Variants in FGGY observed in about 807,000 individuals in gnomAD.
The protein encoded by FGGY is FGGY carbohydrate kinase domain containing, also known as FGGY carbohydrate kinase domain-containing protein.
In FGGY, 72 loss-of-function variants were observed where a neutral mutation model predicts 71.3. The ratio of observed to expected loss-of-function variants is 1.01; its 90% CI spans 0.84 to 1.23. FGGY has a LOEUF of 1.23. Ranked by LOEUF, FGGY falls within the 50% of genes most tolerant of loss-of-function variation. The probability of loss-of-function intolerance (pLI) is 0.00; values close to 1 mark genes in which losing one functional copy is unlikely to be tolerated. For missense variants in FGGY, 668 were observed against 682.3 expected, an observed-to-expected ratio of 0.98 and a Z score of 0.23; for synonymous variants, 251 against 250.3, an observed-to-expected ratio of 1.00 and a Z score of -0.02.
chr1:59,472,851 C>G (rs1238855391), intron 6 of FGGY, among the ~76,000 whole-genome samples: 2 of 152,012 alleles, frequency 1.3e-5, no homozygotes, highest in Admixed American at 1.3e-4. Flanking sequence ...GGTTTGTAAA[C>G]ACACCAATCA....
At chr1:59,601,588 T>A (rs1029045534) in intron 8 of FGGY, among the ~76,000 whole-genome samples, 1 of 152,184 alleles carries the variant, frequency 6.6e-6, no homozygotes, top group Non-Finnish European at 1.5e-5. Flanking sequence ...TGTTTGACTC[T>A]ATAGACTGTC....
At chr1:59,505,564 C>T (rs532717290) in intron 6 of FGGY, among the ~76,000 whole-genome samples, 4 of 152,184 alleles carry the variant, frequency 2.6e-5, no homozygotes, top group Non-Finnish European at 5.9e-5. Flanking sequence ...TCACATGCCA[C>T]CCATGCCCAA....
At chr1:59,605,690 C>T (rs1178876117) in intron 8 of FGGY, among the ~76,000 whole-genome samples, 1 of 152,128 alleles carries the variant, frequency 6.6e-6, no homozygotes, top group Non-Finnish European at 1.5e-5. Flanking sequence ...CCTTCCCCCC[C>T]TTCCCATTTT....
chr1:59,674,606 A>G (rs530861393), intron 14 of FGGY, among the ~76,000 whole-genome samples: 50 of 152,246 alleles, frequency 3.3e-4, no homozygotes, highest in Non-Finnish European at 6.0e-4. Context: ...GAACAAAGAT[A>G]TAGGAAGAAG....
intron 6 of FGGY, among the ~76,000 whole-genome samples, chr1:59,488,370 A>T (rs893283077): frequency 6.6e-6 from 1 of 151,804 alleles, no homozygotes; most frequent in Non-Finnish European, 1.5e-5. Context: ...TTCAGGTGAT[A>T]CTTAATGCAT....
intron 11 of FGGY, among the ~76,000 whole-genome samples, chr1:59,655,171 C>T (rs958488610): frequency 1.1e-4 from 16 of 152,136 alleles, no homozygotes; most frequent in African/African-American, 3.6e-4. Context: ...TCCCATATCC[C>T]AGTAAATGAA....
chr1:59,605,755 G>A (rs1437691207), intron 8 of FGGY, among the ~76,000 whole-genome samples: 3 of 152,132 alleles, frequency 2.0e-5, no homozygotes, highest in Non-Finnish European at 4.4e-5. Context: ...AGAGAGAACC[G>A]GGGTAGCTGA....
At chr1:59,542,822 C>T (rs1429820442) in intron 7 of FGGY, among the ~76,000 whole-genome samples, 3 of 152,140 alleles carry the variant, frequency 2.0e-5, no homozygotes, top group African/African-American at 7.2e-5. Context: ...AAACTCAGTT[C>T]ATTTGCGTGA....
intron 4 of FGGY, among the ~76,000 whole-genome samples, chr1:59,350,407 G>A (rs533491621): frequency 2.6e-5 from 4 of 152,300 alleles, no homozygotes; most frequent in African/African-American, 4.8e-5. Context: ...TTGGGAAAAA[G>A]GATTTGCTTC....
At chr1:59,642,504 A>T (rs2097043308) in intron 11 of FGGY, among the ~76,000 whole-genome samples, 1 of 152,016 alleles carries the variant, frequency 6.6e-6, no homozygotes, top group Non-Finnish European at 1.5e-5. Context: ...GGACGCCTGT[A>T]ATCCCAGCTA....
chr1:59,549,272 C>T (rs1430439215), intron 7 of FGGY, among the ~76,000 whole-genome samples: 3 of 152,194 alleles, frequency 2.0e-5, no homozygotes, highest in African/African-American at 7.2e-5. Context: ...GGATGGGATT[C>T]ATCAGTCAGT....
intron 4 of FGGY, among the ~76,000 whole-genome samples, chr1:59,347,755 G>A (rs2052381221): frequency 6.6e-6 from 1 of 152,120 alleles, no homozygotes; most frequent in Non-Finnish European, 1.5e-5. Context: ...CTAGCCATAT[G>A]GAGAAAACTG....
At chr1:59,297,716 G>A (rs1171624582) in intron 1 of FGGY, among the ~76,000 whole-genome samples, 6 of 151,988 alleles carry the variant, frequency 3.9e-5, no homozygotes, top group East Asian at 1.9e-4. Flanking sequence ...CCAGCTTCTC[G>A]GGAGGCTGAG....
intron 8 of FGGY, among the ~76,000 whole-genome samples, chr1:59,597,419 G>A (rs368645136): frequency 1.8e-4 from 27 of 152,080 alleles, no homozygotes; most frequent in African/African-American, 4.1e-4. Flanking sequence ...CTGAGTGATC[G>A]TGTTGATTCT....
At chr1:59,729,692 C>T (rs1459182820) in intron 14 of FGGY, among the ~76,000 whole-genome samples, 2 of 152,038 alleles carry the variant, frequency 1.3e-5, no homozygotes, top group South Asian at 2.1e-4. Flanking sequence ...GGGGTCATGT[C>T]GATGTGGTTT....
At chr1:59,379,092 T>C (rs1260759461) in intron 5 of FGGY, among the ~76,000 whole-genome samples, 1 of 151,536 alleles carries the variant, frequency 6.6e-6, no homozygotes, top group Admixed American at 6.6e-5. Flanking sequence ...GAAGGAGATA[T>C]GAAAAATCCA....
intron 11 of FGGY, among the ~76,000 whole-genome samples, chr1:59,650,467 G>T (rs2097146702): frequency 9.3e-6 from 1 of 107,150 alleles, no homozygotes; most frequent in Non-Finnish European, 1.7e-5. Flanking sequence ...CTTCTTCCTG[G>T]TTTAGTCTTG....
chr1:59,729,505 G>A (rs913303932), intron 14 of FGGY, among the ~76,000 whole-genome samples: 2 of 152,128 alleles, frequency 1.3e-5, no homozygotes, highest in African/African-American at 2.4e-5. Context: ...GACATTTTGT[G>A]TTAGAAATTG....
chr1:59,570,402 A>G (rs760526811), intron 8 of FGGY, among the ~76,000 whole-genome samples: 3 of 152,216 alleles, frequency 2.0e-5, no homozygotes, highest in Non-Finnish European at 4.4e-5. Context: ...AACAAGTTTG[A>G]GAATCAGTCA....
Sources: allele counts gnomAD v4.1 joint callset (sites outside exome capture counted in the v4.1 genomes callset), GRCh38; gene constraint gnomAD v4.1.1; transcripts MANE v1.5; gene names NCBI Gene and HGNC (gene_info 2026-07-23, HGNC 2026-07-21).